The following NSL1 variants were observed in gnomAD, a reference collection of about 807,000 sequenced individuals.
NSL1 encodes kinetochore-associated protein NSL1 homolog.
NSL1 carries 11 observed loss-of-function variants against 25.4 expected under a neutral mutation model. That is an observed-to-expected ratio of 0.43 (90% confidence interval 0.27 to 0.72). The LOEUF is 0.72. NSL1 is among the 30% of genes least tolerant of loss of function. NSL1 has a pLI of 0.19. For synonymous variants in NSL1, 118 were observed against 120.6 expected (o/e 0.98, Z 0.14); for missense variants, 330 against 342.7 (o/e 0.96, Z 0.29).
chr1:212,783,501 G>A (rs926180297), intron 3 of NSL1, among the ~76,000 whole-genome samples: 6 of 152,058 alleles, frequency 3.9e-5, no homozygotes, highest in African/African-American at 1.2e-4. Flanking sequence ...ATATTAAGCC[G>A]GGCATATAAT....
At position 212,779,845 on chromosome 1, in the gene NSL1, C is replaced by A. The variant is rs1226272845; in HGVS notation, c.499+2527G>T. 4.9e-4 allele frequency among the ~76,000 whole-genome samples: 71 copies of A among 144,272 alleles called. 1 individual carries two copies. The highest frequency in any genetic ancestry group is 1.8e-3 in the African/African-American group (68 of 38,246). The allele number at this position is 144,272 out of a possible 152,430, so 94.6% of individuals were successfully genotyped here. A position where few individuals can be genotyped will look rare whatever the true frequency, so the allele number is the denominator to read the frequency against. ...GGGAGGGAGGTGGGGGGGTCAGCCCCCCGCCCGACCAGCCGCCCCGTCCGG... is the reference window on the plus strand; with the variant it reads ...GGGAGGGAGGTGGGGGGGTCAGCCCACCGCCCGACCAGCCGCCCCGTCCGG... On this transcript the variant is annotated intron_variant, in intron 4 of 5. Transcript: ENST00000366977.
In NSL1 at chr1:212,760,473, A is replaced by C. The variant is rs906889720; in HGVS notation, c.500-20872T>G. 2.6e-5 allele frequency among the ~76,000 whole-genome samples: 4 copies of C among 151,806 alleles called. No individual in the cohort carries two copies. Among genetic ancestry groups the C allele is most frequent in the Admixed American group, 2.0e-4 (3 of 15,240 alleles). ...CATACCGTTTGAGGTCCTGAGGTTC[A>C]CCCCACTGGCCACTACTGCCGGCAT... On this transcript the variant is annotated intron_variant, in intron 4 of 5. Transcript: ENST00000366977. This position sits in a 1 kb window ranked among gnomAD's most constrained non-coding sequence, Gnocchi z 4.3.
chr1:212,785,909 G>A (rs927622662), intron 2 of NSL1, among the ~76,000 whole-genome samples: 17 of 151,876 alleles, frequency 1.1e-4, no homozygotes, highest in African/African-American at 3.4e-4. Flanking sequence ...GATATGTTTC[G>A]GTATATACAT....
chr1:212,772,177 T>C (rs747130719), intron 4 of NSL1, among the ~76,000 whole-genome samples: 133 of 152,278 alleles, frequency 8.7e-4, no homozygotes, highest in Middle Eastern at 3.4e-3. Context: ...ACTTTATAAA[T>C]TACCCAGTGT....
intron 3 of NSL1, 68 bp from the exon 4 acceptor site, chr1:212,782,494 A>T (rs576120921): frequency 9.5e-7 from 1 of 1,051,664 alleles, no homozygotes; most frequent in African/African-American, 1.6e-5. Flanking sequence ...CTTTCAGCTA[A>T]TATGGGAGAT....
intron 4 of NSL1, among the ~76,000 whole-genome samples, chr1:212,742,883 C>T (rs1658566854): frequency 6.6e-6 from 1 of 151,906 alleles, no homozygotes; most frequent in South Asian, 2.1e-4. Flanking sequence ...ACCACTTTTG[C>T]TTAAAAAAAA....
intron 4 of NSL1, among the ~76,000 whole-genome samples, chr1:212,759,767 A>C (rs529689059): frequency 1.2e-4 from 19 of 152,110 alleles, no homozygotes; most frequent in African/African-American, 4.3e-4. Context: ...GACTGAACCC[A>C]ATAGTAAAAC....
In NSL1 at chr1:212,745,160, C is replaced by CTA. The variant is rs59293969; in HGVS notation, c.500-5561_500-5560dup. ...CAAAACAAACAAACAAACAAACAAA[C>CTA]TATATATATATATATATATATATAT... is the stretch of plus-strand genomic sequence containing the variant. On this transcript the variant is annotated intron_variant, in intron 4 of 5. Transcript: ENST00000366977. 7.1e-3 allele frequency among the ~76,000 whole-genome samples: 832 copies of CTA among 116,812 alleles called. 6 individuals are homozygous for CTA. Among genetic ancestry groups the CTA allele is most frequent in the African/African-American group, 0.019 (463 of 24,346 alleles). 76.6% of individuals were successfully genotyped at this position (116,812 alleles called of 152,430 possible).
At position 212,733,982 on chromosome 1, in the gene NSL1, ATCTT is replaced by A. The variant is rs1289120858; in HGVS notation, c.*4422_*4425del. Among the ~76,000 whole-genome samples, 3 of 152,024 alleles carry A rather than the reference ATCTT, an allele frequency of 2.0e-5. No homozygotes were observed. Among genetic ancestry groups the A allele is most frequent in the African/African-American group, 4.8e-5 (2 of 41,384 alleles). On this transcript the variant is annotated 3_prime_UTR_variant, in exon 6 of 6. Transcript: ENST00000366977. ...TACTTTTCTAATTTGCCATTTCTTA[ATCTT>A]TCTGTTTTATTTTTGGGAAAATTTC...
chr1:212,728,544 T>G lies in NSL1; in HGVS notation c.*9864A>C. ...GACATTGTTGGTTTGTTCAAACAATTTTTTCAAATCAGATTTACAGAGGGA... is the reference window on the plus strand; with the variant it reads ...GACATTGTTGGTTTGTTCAAACAATGTTTTCAAATCAGATTTACAGAGGGA... On this transcript the variant is annotated 3_prime_UTR_variant, in exon 6 of 6. Coordinates refer to ENST00000366977, the MANE Select transcript of NSL1 (RefSeq NM_015471.4). 1.0e-6 allele frequency: 1 copy of G among 985,432 alleles called. No homozygotes were observed. Among genetic ancestry groups the G allele is most frequent in the Non-Finnish European group, 1.2e-6 (1 of 829,926 alleles). The allele number at this position is 985,432 out of a possible 1,614,324, so 61.0% of individuals were successfully genotyped here. A position where few individuals can be genotyped will look rare whatever the true frequency, so the allele number is the denominator to read the frequency against.
intron 4 of NSL1, among the ~76,000 whole-genome samples, chr1:212,757,295 A>G (rs1006151132): frequency 3.3e-5 from 5 of 152,192 alleles, no homozygotes; most frequent in African/African-American, 1.2e-4. Flanking sequence ...CAAAGGAATT[A>G]TAATGGGGAG....
chr1:212,741,425 C>T (rs1026990701), intron 4 of NSL1, among the ~76,000 whole-genome samples: 1 of 152,256 alleles, frequency 6.6e-6, no homozygotes, highest in African/African-American at 2.4e-5. Context: ...AGAGGTGGGG[C>T]CTGGTGGGAG....
In NSL1 at chr1:212,732,415, C is replaced by G. The variant is rs1407418303; in HGVS notation, c.*5993G>C. 4.7e-6 allele frequency: 2 copies of G among 426,366 alleles called. No homozygotes were observed. Among genetic ancestry groups the G allele is most frequent in the Admixed American group, 1.3e-4 (2 of 15,388 alleles). The allele number at this position is 426,366 out of a possible 1,614,324, so 26.4% of individuals were successfully genotyped here. A position where few individuals can be genotyped will look rare whatever the true frequency, so the allele number is the denominator to read the frequency against. On this transcript the variant is annotated 3_prime_UTR_variant, in exon 6 of 6. Transcript: ENST00000366977. ...GCAACCTCTGCCTCCTGGGTTCAAG[C>G]GATTCTCCAGCCTCAGCCTCCTGAG...
chr1:212,734,302 C>CA lies in NSL1; in HGVS notation c.*4105dup. Among the ~76,000 whole-genome samples the CA allele has an allele frequency of 6.6e-6, 1 of 152,138 alleles. No individual in the cohort carries two copies. Among genetic ancestry groups the CA allele is most frequent in the East Asian group, 1.9e-4 (1 of 5,194 alleles). ...CAGCAATTATTCCAGGTGGATGGAA[C>CA]AAAGATTCCTGCCATTAAGGGACTT... On this transcript the variant is annotated 3_prime_UTR_variant, in exon 6 of 6. Coordinates refer to ENST00000366977, the MANE Select transcript of NSL1 (RefSeq NM_015471.4).
chr1:212,758,965 C>T (rs1659436457), intron 4 of NSL1, among the ~76,000 whole-genome samples: 2 of 152,116 alleles, frequency 1.3e-5, no homozygotes, highest in African/African-American at 2.4e-5. Flanking sequence ...ATTGAGAGTT[C>T]AGAAAGAAAT....
chr1:212,739,212 T>C (rs893270311), intron 5 of NSL1, among the ~76,000 whole-genome samples: 14 of 152,186 alleles, frequency 9.2e-5, no homozygotes, highest in African/African-American at 2.2e-4. Context: ...TGTAAAGCAG[T>C]TGGATGGTGC....
rs990063529 is a variant in NSL1 at position 212,728,196 on chromosome 1, T to C, written c.*10212A>G. 2.7e-5 allele frequency: 25 copies of C among 923,870 alleles called. No individual in the cohort carries two copies. The Admixed American group carries it at 1.2e-3, about 46-fold the overall frequency. The allele number at this position is 923,870 out of a possible 1,614,324, so 57.2% of individuals were successfully genotyped here. On this transcript the variant is annotated 3_prime_UTR_variant, in exon 6 of 6. Transcript: ENST00000366977. ...CTTTTAGCATGATCATGGCATGTAG[T>C]AAGCACTCAATACATGGTAACTACT...
Position 212,728,643 on chromosome 1 carries a change from T to G in NSL1, c.*9765A>C, listed in dbSNP as rs1657883669. On this transcript the variant is annotated 3_prime_UTR_variant, in exon 6 of 6. Transcript: ENST00000366977. ...AATTCTGAGGCTCTGATCTGATGAG[T>G]GAAGGGAACCACAGGCTTATCTGCA... is the stretch of plus-strand genomic sequence containing the variant. The G allele has an allele frequency of 2.0e-6, 2 of 985,254 alleles. No individual in the cohort carries two copies. The highest frequency in any genetic ancestry group is 1.2e-4 in the Admixed American group (2 of 16,246). The allele number at this position is 985,254 out of a possible 1,614,324, so 61.0% of individuals were successfully genotyped here.
intron 4 of NSL1, among the ~76,000 whole-genome samples, chr1:212,754,435 G>A (rs919155086): frequency 2.6e-5 from 4 of 152,026 alleles, no homozygotes; most frequent in Admixed American, 6.6e-5. Context: ...GTTTGAAACC[G>A]AGGGCTGAGA....
Sources: gnomAD v4.1 joint callset for allele counts (sites outside exome capture counted in the v4.1 genomes callset) on GRCh38, gnomAD v4.1.1 for gene constraint, Gnocchi (gnomAD v3.1) non-coding constraint, MANE v1.5 for transcripts, NCBI Gene and HGNC (gene_info 2026-07-23, HGNC 2026-07-21) for gene names.